ORMDL1: variants seen among roughly 807,000 people sequenced by gnomAD.
ORMDL1 encodes the protein ORM1-like protein 1.
A neutral mutation model predicts 13.0 loss-of-function variants in ORMDL1; 10 were observed. The ratio of observed to expected loss-of-function variants is 0.77; its 90% CI spans 0.47 to 1.30. ORMDL1 has a LOEUF of 1.30. Among genes scored for constraint, ORMDL1 ranks in the 50% most tolerant of loss-of-function variants. ORMDL1 has a pLI of 0.00. For synonymous variants in ORMDL1, 61 were observed against 63.9 expected, an observed-to-expected ratio of 0.95 and a Z score of 0.22; for missense variants, 171 against 186.7, an observed-to-expected ratio of 0.92 and a Z score of 0.49.
At chr2:189,769,719 GTAAA>G (rs1430113807), downstream of ORMDL1, among the ~76,000 whole-genome samples, 2 of 152,156 alleles carry the variant, frequency 1.3e-5, no homozygotes, top group African/African-American at 2.4e-5. Context: ...GATTTAATAA[GTAAA>G]TAAAGAAGGG....
At chr2:189,771,987 G>A in intron 4 of ORMDL1, 85 bp from the exon 5 acceptor site, 1 of 1,033,256 alleles carries the variant, frequency 9.7e-7, no homozygotes, top group Non-Finnish European at 1.3e-6. Context: ...TAGAAAAAAA[G>A]GCCACTAAAG....
In ORMDL1 at chr2:189,771,582, A is replaced by G; in HGVS notation, c.*185T>C. On this transcript the variant is annotated 3_prime_UTR_variant, in exon 5 of 5. Coordinates refer to ENST00000392349, the MANE Select transcript of ORMDL1 (RefSeq NM_016467.5). ...CCCTCTTCAGAAATGTACCAGGTGT[A>G]TTAAACAGAGGCATCATTTAATGGA... 2 of 507,552 alleles carry G rather than the reference A, an allele frequency of 3.9e-6. No individual in the cohort carries two copies. The highest frequency in any genetic ancestry group is 3.3e-5 in the South Asian group (1 of 30,230). The allele number at this position is 507,552 out of a possible 1,614,324, so 31.4% of individuals were successfully genotyped here.
chr2:189,778,540 T>C (rs2047751225), intron 3 of ORMDL1: 13 of 426,534 alleles, frequency 3.0e-5, no homozygotes, highest in South Asian at 2.2e-4. Context: ...TGTAGATTCC[T>C]GGAGGGACAG....
At chr2:189,781,481 T>C (rs17271246) in intron 3 of ORMDL1, among the ~76,000 whole-genome samples, 15,752 of 152,040 alleles carry the variant, frequency 0.1, 1,047 homozygotes, top group Middle Eastern at 0.16. Flanking sequence ...AATCAAAACT[T>C]TGATACTCTG....
intron 3 of ORMDL1, 83 bp from the exon 4 acceptor site, chr2:189,775,799 C>T (rs536282687): frequency 2.9e-6 from 4 of 1,382,690 alleles, no homozygotes; most frequent in East Asian, 4.9e-5. Context: ...AGGTTCCAAG[C>T]TGTTTGTGAG....
intron 3 of ORMDL1, chr2:189,778,502 A>G (rs2047750307): frequency 2.2e-6 from 1 of 452,420 alleles, no homozygotes; most frequent in South Asian, 1.6e-5. Context: ...TGACAAACAC[A>G]TGATAAAAGA....
Position 189,771,182 on chromosome 2 carries a change from T to C in ORMDL1, c.*585A>G, listed in dbSNP as rs2047569589. ...TCCATGAACTCTGTAACGTAATAAA[T>C]GTAAAAATGGCCTCATTGACCAATA... On this transcript the variant is annotated 3_prime_UTR_variant, in exon 5 of 5. Transcript: ENST00000392349. The C allele has an allele frequency of 1.3e-5, 2 of 152,114 alleles. No individual in the cohort carries two copies. The highest frequency in any genetic ancestry group is 4.8e-5 in the African/African-American group (2 of 41,412). The allele number at this position is 152,114 out of a possible 1,614,324, so 9.4% of individuals were successfully genotyped here.
In ORMDL1 at chr2:189,782,603, C is replaced by G; in HGVS notation, c.-7-1G>C. ...GGCAACTCCAACGTTCATGTTTGCTCTGTAGGAAGTAATGAAATGAATCAA... is the reference window on the plus strand; with the variant it reads ...GGCAACTCCAACGTTCATGTTTGCTGTGTAGGAAGTAATGAAATGAATCAA... On this transcript the variant is annotated splice_acceptor_variant, in intron 2 of 4. Coordinates refer to ENST00000392349, the MANE Select transcript of ORMDL1 (RefSeq NM_016467.5). LOFTEE classifies it low-confidence loss of function (5UTR_SPLICE). 3 of 1,612,486 alleles carry G rather than the reference C, an allele frequency of 1.9e-6. No individual in the cohort carries two copies. The highest frequency in any genetic ancestry group is 2.5e-6 in the Non-Finnish European group (3 of 1,178,812).
intron 4 of ORMDL1, among the ~76,000 whole-genome samples, chr2:189,772,458 G>A (rs997097535): frequency 2.0e-5 from 3 of 152,208 alleles, no homozygotes; most frequent in Non-Finnish European, 4.4e-5. Context: ...TAACCTGAAA[G>A]ACACTGTTGT....
intron 4 of ORMDL1, among the ~76,000 whole-genome samples, chr2:189,772,250 A>G (rs1160353446): frequency 6.6e-6 from 1 of 152,104 alleles, no homozygotes; most frequent in Admixed American, 6.5e-5. Flanking sequence ...TGAAAAAGAT[A>G]TGGATTCAAA....
chr2:189,778,189 G>C (rs1559189542), intron 3 of ORMDL1: 1 of 425,430 alleles, frequency 2.4e-6, no homozygotes, highest in Non-Finnish European at 4.6e-6. Context: ...GAGGTTGGGA[G>C]TTCGAGACCA....
chr2:189,768,282 A>G (rs2047515612), downstream of ORMDL1, among the ~76,000 whole-genome samples: 1 of 152,184 alleles, frequency 6.6e-6, no homozygotes, highest in South Asian at 2.1e-4. Context: ...TCACATCGAC[A>G]TGTACTATCC....
At chr2:189,776,024 C>T (rs2047687990) in intron 3 of ORMDL1, among the ~76,000 whole-genome samples, 1 of 152,090 alleles carries the variant, frequency 6.6e-6, no homozygotes, top group Admixed American at 6.5e-5. Context: ...GATTTTCTTA[C>T]ACTTTTCCTA....
intron 3 of ORMDL1, chr2:189,778,526 G>C (rs2047750704): frequency 4.5e-6 from 2 of 443,646 alleles, no homozygotes; most frequent in East Asian, 1.4e-4. Context: ...CAGCATGGGA[G>C]TTGTGTAGAT....
intron 3 of ORMDL1, among the ~76,000 whole-genome samples, chr2:189,780,045 G>C (rs2047789223): frequency 6.6e-6 from 1 of 152,136 alleles, no homozygotes; most frequent in Non-Finnish European, 1.5e-5. Context: ...ATTTTGGATT[G>C]TTTTGGATTT....
downstream of ORMDL1, among the ~76,000 whole-genome samples, chr2:189,766,528 G>A (rs2047485902): frequency 6.6e-6 from 1 of 152,104 alleles, no homozygotes; most frequent in African/African-American, 2.4e-5. Flanking sequence ...AGGAGTTCGA[G>A]ACCAGCCTGG....
At chr2:189,778,365 A>C (rs959099112) in intron 3 of ORMDL1, 2 of 453,394 alleles carry the variant, frequency 4.4e-6, no homozygotes, top group Non-Finnish European at 8.8e-6. Flanking sequence ...ACTGTACTCC[A>C]GCCTGGGTGA....
At chr2:189,783,813 C>G (rs1002218352) in intron 1 of ORMDL1, among the ~76,000 whole-genome samples, 3 of 152,180 alleles carry the variant, frequency 2.0e-5, no homozygotes, top group South Asian at 2.1e-4. Flanking sequence ...CCTATTCCAA[C>G]CAGAAAACCT....
chr2:189,781,299 T>C (rs2047822707), intron 3 of ORMDL1, among the ~76,000 whole-genome samples: 1 of 152,324 alleles, frequency 6.6e-6, no homozygotes, highest in African/African-American at 2.4e-5. Flanking sequence ...TTAAAAAATA[T>C]CTTTCAACAA....
Sources: gnomAD v4.1 joint callset for allele counts (sites outside exome capture counted in the v4.1 genomes callset) on GRCh38, gnomAD v4.1.1 for gene constraint, MANE v1.5 for transcripts, NCBI Gene and HGNC (gene_info 2026-07-23, HGNC 2026-07-21) for gene names.